ARHGAP26: variants seen among roughly 807,000 people sequenced by gnomAD.
ARHGAP26 encodes the protein Rho GTPase activating protein 26.
In ARHGAP26, 38 loss-of-function variants were observed where a neutral mutation model predicts 104.8. That is an observed-to-expected ratio of 0.36 (90% CI 0.28 to 0.48). The LOEUF (loss-of-function observed/expected upper bound fraction) is 0.48. Ranked by LOEUF, ARHGAP26 falls within the 20% of genes least tolerant of loss-of-function variation. ARHGAP26 has a pLI of 0.99. For missense variants in ARHGAP26, 704 were observed against 947.9 expected (o/e 0.74, Z 3.38); for synonymous variants, 341 against 340.0 (o/e 1.00, Z -0.03).
intron 11 of ARHGAP26, among the ~76,000 whole-genome samples, chr5:143,012,726 T>C (rs1211381995): frequency 6.7e-6 from 1 of 149,682 alleles, no homozygotes; most frequent in Non-Finnish European, 1.5e-5. Flanking sequence ...TGATCTCGGC[T>C]CACTGCAAGC....
chr5:143,145,143 C>G (rs6896777), intron 19 of ARHGAP26, among the ~76,000 whole-genome samples: 2,830 of 152,218 alleles, frequency 0.019, 88 homozygotes, highest in African/African-American at 0.064. Flanking sequence ...AAAATAATCT[C>G]CTGGTAACAT....
At chr5:143,213,877 G>T in intron 21 of ARHGAP26, 120 bp from the exon 22 acceptor site, 2 of 538,120 alleles carry the variant, frequency 3.7e-6, no homozygotes, top group Non-Finnish European at 6.5e-6. Flanking sequence ...TGCCTTGCCA[G>T]GCACTTCCCA....
intron 11 of ARHGAP26, among the ~76,000 whole-genome samples, chr5:142,939,905 A>G (rs1765986920): frequency 6.6e-6 from 1 of 152,262 alleles, no homozygotes; most frequent in African/African-American, 2.4e-5. Context: ...GGAGAGGAAG[A>G]TGGATATTGG....
chr5:142,916,299 A>T (rs1045090952), intron 10 of ARHGAP26, among the ~76,000 whole-genome samples: 1 of 152,190 alleles, frequency 6.6e-6, no homozygotes, highest in Non-Finnish European at 1.5e-5. Context: ...ATATCATGTT[A>T]TTTTGTAACA....
At chr5:143,066,172 C>T (rs1210275583) in intron 17 of ARHGAP26, among the ~76,000 whole-genome samples, 2 of 152,190 alleles carry the variant, frequency 1.3e-5, no homozygotes, top group South Asian at 2.1e-4. Context: ...CATTGTGTCA[C>T]AGTTGCCTAC....
intron 20 of ARHGAP26, among the ~76,000 whole-genome samples, chr5:143,173,492 G>T (rs766766642): frequency 2.0e-5 from 3 of 152,176 alleles, no homozygotes; most frequent in African/African-American, 7.2e-5. Context: ...CTCCAAAAAC[G>T]AAGTGGCTTT....
chr5:143,224,962 A>G lies in ARHGAP26; in HGVS notation c.*2516A>G, dbSNP rs903897534. 9.0e-6 allele frequency: 2 copies of G among 222,880 alleles called. No homozygotes were observed. Among genetic ancestry groups the G allele is most frequent in the Non-Finnish European group, 1.8e-5 (2 of 111,556 alleles). 13.8% of individuals were successfully genotyped at this position (222,880 alleles called of 1,614,324 possible). Reference sequence around the variant, plus strand: ...GCAAGCGAGACACTACCATTGAATCAGGGAATGAGAATTAAGAATGGACAG... The same window carrying G: ...GCAAGCGAGACACTACCATTGAATCGGGGAATGAGAATTAAGAATGGACAG... On this transcript the variant is annotated 3_prime_UTR_variant, in exon 23 of 23. Coordinates refer to ENST00000645722, the MANE Select transcript of ARHGAP26 (RefSeq NM_001135608.3).
At chr5:142,818,167 C>G (rs1597758273) in intron 1 of ARHGAP26, among the ~76,000 whole-genome samples, 1 of 152,054 alleles carries the variant, frequency 6.6e-6, no homozygotes, top group African/African-American at 2.4e-5. Context: ...ATCTTTCCTT[C>G]CACCGTGCCA....
chr5:143,005,776 G>A (rs1777861314), intron 11 of ARHGAP26, among the ~76,000 whole-genome samples: 1 of 152,196 alleles, frequency 6.6e-6, no homozygotes, highest in South Asian at 2.1e-4. Flanking sequence ...GCAAGCAGCA[G>A]TTTTTATTCA....
chr5:143,207,252 G>T lies in ARHGAP26; in HGVS notation c.2043G>T (p.Ser681=), dbSNP rs577329290. Residue 681 remains serine, a synonymous_variant, in exon 21 of 23, where the codon TCG becomes TCT. Coordinates refer to ENST00000645722, the MANE Select transcript of ARHGAP26 (RefSeq NM_001135608.3). ...TCTCGCCATCTTGGCCCATGTTCTC[G>T]GCGCCATCCAGCCCTATGCCCACCT... The part of the protein sequence containing the change: ...SPLSPSWPMF[S]APSSPMPTSS... The T allele has an allele frequency of 3.7e-6, 6 of 1,614,020 alleles. No individual in the cohort carries two copies. Among genetic ancestry groups the T allele is most frequent in the Non-Finnish European group, 5.1e-6 (6 of 1,180,000 alleles).
chr5:142,893,922 T>C (rs965205333), intron 5 of ARHGAP26, among the ~76,000 whole-genome samples: 6 of 151,688 alleles, frequency 4.0e-5, no homozygotes, highest in Admixed American at 3.9e-4. Context: ...TGCCCACTTT[T>C]TAATGGTATT....
intron 17 of ARHGAP26, among the ~76,000 whole-genome samples, chr5:143,098,225 C>G (rs1792694211): frequency 6.6e-6 from 1 of 152,122 alleles, no homozygotes; most frequent in South Asian, 2.1e-4. Context: ...AGGGTTCAGA[C>G]CATGTATTCT....
chr5:143,094,209 C>T (rs1791940608), intron 17 of ARHGAP26, among the ~76,000 whole-genome samples: 1 of 152,230 alleles, frequency 6.6e-6, no homozygotes, highest in African/African-American at 2.4e-5. Context: ...TGCTTTGCTG[C>T]GTGGTGTCTT....
At chr5:143,215,299 G>A (rs1810172554) in intron 22 of ARHGAP26, among the ~76,000 whole-genome samples, 1 of 152,182 alleles carries the variant, frequency 6.6e-6, no homozygotes. Flanking sequence ...TGCTCATATG[G>A]GCAGGGGATC....
At chr5:142,771,047 C>G (rs1174433727) in intron 1 of ARHGAP26, 132 bp downstream of exon 1, 1 of 1,405,908 alleles carries the variant, frequency 7.1e-7, no homozygotes, top group Non-Finnish European at 9.3e-7. Flanking sequence ...GTCGACGCCT[C>G]CGAGGCAGGA....
chr5:143,040,019 T>C (rs1783215584), intron 13 of ARHGAP26, among the ~76,000 whole-genome samples: 1 of 152,230 alleles, frequency 6.6e-6, no homozygotes, highest in Non-Finnish European at 1.5e-5. Context: ...TACGTATTTA[T>C]GGTGATCAGA....
chr5:143,122,624 G>T (rs11167804), intron 18 of ARHGAP26, among the ~76,000 whole-genome samples: 50,838 of 152,074 alleles, frequency 0.33, 9,807 homozygotes, highest in Non-Finnish European at 0.43. Flanking sequence ...AGCAGAGGAG[G>T]TTGGCTTTAT....
chr5:143,120,323 C>T (rs1348311613), intron 17 of ARHGAP26, among the ~76,000 whole-genome samples: 1 of 152,092 alleles, frequency 6.6e-6, no homozygotes, highest in Admixed American at 6.6e-5. Flanking sequence ...ACTGTTGACC[C>T]TGTGTGTTTG....
At chr5:142,969,242 A>G (rs1485873122) in intron 11 of ARHGAP26, 1 of 152,238 alleles carries the variant, frequency 6.6e-6, no homozygotes, top group Non-Finnish European at 1.5e-5. Context: ...TGCCTGACCA[A>G]GTAGTCATTT....
Sources: gnomAD v4.1 joint callset for allele counts (sites outside exome capture counted in the v4.1 genomes callset) on GRCh38, gnomAD v4.1.1 for gene constraint, MANE v1.5 for transcripts, NCBI Gene and HGNC (gene_info 2026-07-23, HGNC 2026-07-21) for gene names.